PCSK9: variants seen among roughly 807,000 people sequenced by gnomAD.
The protein encoded by PCSK9 is proprotein convertase subtilisin/kexin type 9.
In PCSK9, 57 loss-of-function variants were observed where a neutral mutation model predicts 62.1. The ratio of observed to expected loss-of-function variants is 0.92; its 90% CI spans 0.74 to 1.14. The LOEUF is 1.14. Ranked by LOEUF, PCSK9 falls within the 50% of genes most tolerant of loss-of-function variation. The pLI is 0.00. For synonymous variants in PCSK9, 387 were observed against 409.4 expected (o/e 0.95, Z 0.66); for missense variants, 870 against 959.8 (o/e 0.91, Z 1.24).
intron 6 of PCSK9, among the ~76,000 whole-genome samples, chr1:55,056,592 G>A (rs887529032): frequency 4.1e-4 from 63 of 152,256 alleles, no homozygotes; most frequent in Middle Eastern, 3.4e-3. Flanking sequence ...AGCTCTCTCC[G>A]CGGCTCCATG....
Position 55,054,963 on chromosome 1 carries a change from C to A in PCSK9, c.800-1030C>A, listed in dbSNP as rs377431897. ...GAGCTTGCAGTGAGCCGAGATTGCG[C>A]CACTGCACTCCAGCCTGGGCAATAG... On this transcript the variant is annotated intron_variant, in intron 5 of 11. Transcript: ENST00000302118. 5.3e-5 allele frequency among the ~76,000 whole-genome samples: 8 copies of A among 151,806 alleles called. No homozygotes were observed. In the East Asian group the frequency reaches 1.5e-3, roughly 29 times the overall value.
At position 55,042,509 on chromosome 1, in the gene PCSK9, A is replaced by C. The variant is rs1384559780; in HGVS notation, c.208-1334A>C. 2.0e-5 allele frequency among the ~76,000 whole-genome samples: 3 copies of C among 152,110 alleles called. No homozygotes were observed. In the East Asian group the frequency reaches 5.8e-4, roughly 29 times the overall value. On this transcript the variant is annotated intron_variant, in intron 1 of 11. Transcript: ENST00000302118. ...ATCCAAACAAGTTCTGAGGTTCAAAACCGTTTTGGCCCTAAGGCTTTGGGT... is the reference window on the plus strand; with the variant it reads ...ATCCAAACAAGTTCTGAGGTTCAAACCCGTTTTGGCCCTAAGGCTTTGGGT...
At chr1:55,047,654 C>T (rs1038468422) in intron 3 of PCSK9, among the ~76,000 whole-genome samples, 10 of 152,184 alleles carry the variant, frequency 6.6e-5, no homozygotes, top group African/African-American at 2.2e-4. Context: ...ACTGTGTGAC[C>T]TTGCATATGT....
rs72658891 is a variant in PCSK9, at chr1:55,043,987, C to T, written c.352C>T (p.Leu118Phe). The part of the protein sequence containing the change: ...LTKILHVFHG[L>F]LPGFLVKMSG... ...CAAGATCCTGCATGTCTTCCATGGC[C>T]TTCTTCCTGGCTTCCTGGTGAAGAT... is the stretch of plus-strand genomic sequence containing the variant. Residue 118 changes from leucine to phenylalanine, a missense_variant, in exon 2 of 12, where the codon CTT becomes TTT. Leu to Phe is a conservative substitution (Grantham distance 22). Coordinates refer to ENST00000302118, the MANE Select transcript of PCSK9 (RefSeq NM_174936.4). The T allele has an allele frequency of 1.9e-6, 3 of 1,614,244 alleles. No individual in the cohort carries two copies. Among genetic ancestry groups the T allele is most frequent in the Non-Finnish European group, 2.5e-6 (3 of 1,180,038 alleles).
intron 2 of PCSK9, among the ~76,000 whole-genome samples, chr1:55,045,516 T>C (rs1255156311): frequency 6.6e-6 from 1 of 152,100 alleles, no homozygotes; most frequent in African/African-American, 2.4e-5. Context: ...ATCCAGGGAC[T>C]AGTTGTGGCA....
chr1:55,054,507 A>T (rs912308496), intron 5 of PCSK9, among the ~76,000 whole-genome samples: 1 of 152,118 alleles, frequency 6.6e-6, no homozygotes, highest in Admixed American at 6.5e-5. Flanking sequence ...TCCTAGGAGG[A>T]GCATGGCTGT....
rs1438653547 is a variant in PCSK9 at position 55,052,289 on chromosome 1, C to G, written c.535C>G (p.Leu179Val). 1.9e-6 allele frequency: 3 copies of G among 1,613,956 alleles called. No homozygotes were observed. Among genetic ancestry groups the G allele is most frequent in the African/African-American group, 1.3e-5 (1 of 74,920 alleles). The change falls in exon 4 of 12, where the codon CTG (leucine) becomes GTG (valine). Residue 179 changes from leucine (L) to valine (V), a missense_variant. By Grantham distance (32) the Leu-to-Val change is conservative (BLOSUM62 1). Transcript: ENST00000302118. ...DEYQPPDGGS[L>V]VEVYLLDTSI... Reference sequence around the variant, plus strand: ...GTCGCCTTGGAAAGACGGAGGCAGCCTGGTGGAGGTGTATCTCCTAGACAC... The same window carrying G: ...GTCGCCTTGGAAAGACGGAGGCAGCGTGGTGGAGGTGTATCTCCTAGACAC...
chr1:55,061,466 C>G lies in PCSK9; in HGVS notation c.1773C>G (p.His591Gln), dbSNP rs529912877. The change falls in exon 11 of 12, where the codon CAC becomes CAG. Residue 591 changes from histidine (H) to glutamine (Q), a missense_variant. Physicochemically the swap from His to Gln is conservative, Grantham distance 24. Coordinates refer to ENST00000302118, the MANE Select transcript of PCSK9 (RefSeq NM_174936.4). ...GTCAGCCCAACCAGTGCGTGGGCCA[C>G]AGGGAGGCCAGCATCCACGCTTCCT... ...PRGQPNQCVG[H>Q]REASIHASCC... 7.0e-5 allele frequency: 113 copies of G among 1,607,308 alleles called. 2 individuals are homozygous for G. The South Asian group carries it at 1.1e-3, about 16-fold the overall frequency.
At chr1:55,052,242 C>T (rs773129861) in intron 3 of PCSK9, 36 bp from the exon 4 acceptor site, 3 of 1,613,642 alleles carry the variant, frequency 1.9e-6, no homozygotes, top group African/African-American at 2.7e-5. Context: ...ACTTTATGCT[C>T]ATTCCCTCCT....
chr1:55,059,642 C>A lies in PCSK9; in HGVS notation c.1660C>A (p.Gln554Lys), dbSNP rs149311926. ...ASMGTRVHCH[Q>K]QGHVLTGCSS... ...CATGGGGACCCGTGTCCACTGCCAC[C>A]AACAGGGCCACGTCCTCACAGGTAG... The change falls in exon 10 of 12, where the codon CAA (glutamine) becomes AAA (lysine). Residue 554 changes from glutamine (Q) to lysine (K), a missense_variant. Transcript: ENST00000302118. The A allele has an allele frequency of 3.9e-6, 6 of 1,551,092 alleles. No homozygotes were observed. The highest frequency in any genetic ancestry group is 1.4e-5 in the African/African-American group (1 of 73,096).
At position 55,058,412 on chromosome 1, in the gene PCSK9, C is replaced by T. The variant is rs28362265; in HGVS notation, c.1355-87C>T. ...AGACAGTTGAGTATGTTCTTTAAGC[C>T]CTCCTCTCTCCTACCATGAACTAAA... On this transcript the variant is annotated intron_variant, in intron 8 of 11. Coordinates refer to ENST00000302118, the MANE Select transcript of PCSK9 (RefSeq NM_174936.4). 1.1e-3 allele frequency: 1,746 copies of T among 1,588,156 alleles called. 19 individuals are homozygous for T. The African/African-American group carries it at 0.021, about 19-fold the overall frequency.
In PCSK9 at chr1:55,054,213, G is replaced by A. The variant is rs534563441; in HGVS notation, c.799+1422G>A. On this transcript the variant is annotated intron_variant, in intron 5 of 11. Transcript: ENST00000302118. ...AGCCTGTTCAACATGGTGAAACCCC[G>A]TCTCTACTAAAAATACAAAAATTAG... is the stretch of plus-strand genomic sequence containing the variant. Among the ~76,000 whole-genome samples, 31 of 152,148 alleles carry A rather than the reference G, an allele frequency of 2.0e-4. 1 individual carries two copies. The highest frequency in any genetic ancestry group is 7.0e-4 in the African/African-American group (29 of 41,504).
At chr1:55,049,651 C>A (rs1456747675) in intron 3 of PCSK9, among the ~76,000 whole-genome samples, 1 of 152,236 alleles carries the variant, frequency 6.6e-6, no homozygotes, top group African/African-American at 2.4e-5. Context: ...CAGCCTCTCA[C>A]TGGAAGGAAG....
At chr1:55,058,338 A>G (rs1644732052) in intron 8 of PCSK9, 129 bp downstream of exon 8, 1 of 1,489,262 alleles carries the variant, frequency 6.7e-7, no homozygotes. Context: ...TTAAATGAGA[A>G]TGGGGCTCTG....
chr1:55,052,575 C>T, intron 4 of PCSK9, 75 bp from the exon 5 acceptor site: 1 of 1,605,154 alleles, frequency 6.2e-7, no homozygotes, highest in Admixed American at 1.7e-5. Context: ...GGCGTTCATC[C>T]ATCCAGCCAC....
At position 55,057,591 on chromosome 1, in the gene PCSK9, C is replaced by T. The variant is rs572516069; in HGVS notation, c.1180+77C>T. On this transcript the variant is annotated intron_variant, in intron 7 of 11. Coordinates refer to ENST00000302118, the MANE Select transcript of PCSK9 (RefSeq NM_174936.4). ...GCAGTCAGGGTCTGTGCCGGGACCTCCAGTGCCAGGCTCTGTGCAGGGGGA... is the reference window on the plus strand; with the variant it reads ...GCAGTCAGGGTCTGTGCCGGGACCTTCAGTGCCAGGCTCTGTGCAGGGGGA... The T allele has an allele frequency of 7.4e-6, 11 of 1,494,676 alleles. No homozygotes were observed. In the South Asian group the frequency reaches 1.1e-4, roughly 15 times the overall value. 92.6% of individuals were successfully genotyped at this position (1,494,676 alleles called of 1,614,324 possible).
intron 1 of PCSK9, among the ~76,000 whole-genome samples, chr1:55,043,193 GAC>G (rs1344624444): frequency 6.6e-6 from 1 of 152,222 alleles, no homozygotes; most frequent in African/African-American, 2.4e-5. Context: ...AAAGGACTAA[GAC>G]AGTGGCCTTG....
At chr1:55,057,762 C>T (rs940651709) in intron 7 of PCSK9, among the ~76,000 whole-genome samples, 4 of 152,186 alleles carry the variant, frequency 2.6e-5, no homozygotes, top group African/African-American at 9.7e-5. Flanking sequence ...GAGAAGGCAT[C>T]TTGGAGGAGG....
chr1:55,048,803 C>T (rs1404934492), intron 3 of PCSK9, among the ~76,000 whole-genome samples: 2 of 152,248 alleles, frequency 1.3e-5, no homozygotes, highest in Non-Finnish European at 2.9e-5. Flanking sequence ...AACCCTCACT[C>T]TGGGGGGCTG....
Sources: gnomAD v4.1 joint callset for allele counts (sites outside exome capture counted in the v4.1 genomes callset) on GRCh38, gnomAD v4.1.1 for gene constraint, MANE v1.5 for transcripts, NCBI Gene and HGNC (gene_info 2026-07-23, HGNC 2026-07-21) for gene names.